Variants in CDH5 observed in about 807,000 individuals in gnomAD.
CDH5 encodes the protein cadherin 5, also known as cadherin-5.
In CDH5, 28 loss-of-function variants were observed where a neutral mutation model predicts 62.0. The observed-to-expected ratio is 0.45, with a 90% CI of 0.33 to 0.62. CDH5 has a LOEUF of 0.62. CDH5 is among the 20% of genes least tolerant of loss of function. The pLI is 0.02. For synonymous variants in CDH5, 464 were observed against 445.8 expected (o/e 1.04, Z -0.52); for missense variants, 940 against 1,065.1 (o/e 0.88, Z 1.63).
intron 1 of CDH5, 185 bp from the exon 2 acceptor site, chr16:66,379,133 AC>A: frequency 1.8e-6 from 1 of 547,274 alleles, no homozygotes; most frequent in Non-Finnish European, 3.1e-6. Context: ...TTGTCCTAAA[AC>A]CGACCTTTCA....
At position 66,403,310 on chromosome 16, in the gene CDH5, G is replaced by A. The variant is rs1312793985; in HGVS notation, c.*141G>A. 6 of 695,534 alleles carry A rather than the reference G, an allele frequency of 8.6e-6. No individual in the cohort carries two copies. The highest frequency in any genetic ancestry group is 1.4e-5 in the Non-Finnish European group (6 of 423,124). 43.1% of individuals were successfully genotyped at this position (695,534 alleles called of 1,614,324 possible). On this transcript the variant is annotated 3_prime_UTR_variant, in exon 12 of 12. Coordinates refer to ENST00000341529, the MANE Select transcript of CDH5 (RefSeq NM_001795.5). This position sits in a 1 kb window ranked among gnomAD's most constrained non-coding sequence, Gnocchi z 4.3. ...CTCGTGGGTCCCAGAGACCTCATCA[G>A]CCTTGGGATAGCAAACTCCAGGTTC... is the stretch of plus-strand genomic sequence containing the variant.
In CDH5 at chr16:66,398,561, G is replaced by T. The variant is rs868014698; in HGVS notation, c.1591G>T (p.Asp531Tyr). Residue 531 changes from aspartate to tyrosine, a missense_variant and splice_region_variant, in exon 10 of 12, where the codon GAT (aspartate) becomes TAT (tyrosine). Transcript: ENST00000341529. ...CAACTTTACCCTCACGGATAATCAC[G>T]GTAGGCATCAAAGTAATCAGTTCAG... ...ENNFTLTDNH[D>Y]NTANITVKYG... The T allele has an allele frequency of 6.8e-7, 1 of 1,471,520 alleles. No individual in the cohort carries two copies. The highest frequency in any genetic ancestry group is 1.1e-5 in the South Asian group (1 of 88,302). 91.2% of individuals were successfully genotyped at this position (1,471,520 alleles called of 1,614,324 possible). A position where few individuals can be genotyped will look rare whatever the true frequency, so the allele number is the denominator to read the frequency against.
chr16:66,378,162 C>T lies in CDH5; in HGVS notation c.-19-1157C>T, dbSNP rs114538029. Among the ~76,000 whole-genome samples the T allele has an allele frequency of 2.8e-3, 428 of 152,304 alleles. 2 individuals carry two copies. Among genetic ancestry groups the T allele is most frequent in the African/African-American group, 0.01 (416 of 41,566 alleles). Reference sequence around the variant, plus strand: ...TCAGGGTTAAGACAGTTGGATTTTCCTAAGAGCCTTCTGAAGACAGAATCA... The same window carrying T: ...TCAGGGTTAAGACAGTTGGATTTTCTTAAGAGCCTTCTGAAGACAGAATCA... On this transcript the variant is annotated intron_variant, in intron 1 of 11. Coordinates refer to ENST00000341529, the MANE Select transcript of CDH5 (RefSeq NM_001795.5).
rs1960843499 is a variant in CDH5, at chr16:66,379,379, C to T, written c.42C>T (p.Cys14=). 1 of 1,613,736 alleles carries T rather than the reference C, an allele frequency of 6.2e-7. No homozygotes were observed. The highest frequency in any genetic ancestry group is 1.1e-5 in the South Asian group (1 of 91,062). The change falls in exon 2 of 12, where the codon TGC becomes TGT. Residue 14 remains cysteine, a synonymous_variant. Coordinates refer to ENST00000341529, the MANE Select transcript of CDH5 (RefSeq NM_001795.5). Reference sequence around the variant, plus strand: ...TGCTCCTCGCCACATCGGGCGCCTGCCTGGGCCTGCTGGCAGTGGCAGCAG... The same window carrying T: ...TGCTCCTCGCCACATCGGGCGCCTGTCTGGGCCTGCTGGCAGTGGCAGCAG... ...LMMLLATSGA[C]LGLLAVAAVA...
intron 2 of CDH5, among the ~76,000 whole-genome samples, chr16:66,380,905 AGGT>A (rs1960887213): frequency 6.6e-6 from 1 of 151,704 alleles, no homozygotes; most frequent in Admixed American, 6.6e-5. Context: ...ATGGTGGTGG[AGGT>A]GGTGGTGAAC....
intron 1 of CDH5, among the ~76,000 whole-genome samples, chr16:66,368,722 G>A (rs1292595037): frequency 6.6e-6 from 1 of 152,196 alleles, no homozygotes; most frequent in Non-Finnish European, 1.5e-5. Flanking sequence ...GCCAGTCCAA[G>A]GTCACACAAC....
chr16:66,386,670 T>C, intron 2 of CDH5, 139 bp from the exon 3 acceptor site: 1 of 689,112 alleles, frequency 1.5e-6, no homozygotes, highest in Non-Finnish European at 2.4e-6. Flanking sequence ...CTCAGTATCA[T>C]ATTTAGGGAC....
At position 66,390,567 on chromosome 16, in the gene CDH5, G is replaced by A. The variant is rs142709605; in HGVS notation, c.946G>A (p.Glu316Lys). Residue 316 changes from glutamate to lysine, a missense_variant, in exon 6 of 12, where the codon GAG becomes AAG. Glu to Lys is a moderately conservative substitution (Grantham distance 56). Transcript: ENST00000341529. The stretch of plus-strand genomic sequence containing the variant: ...CATTGAGACAAACCCCGCCCACAAC[G>A]AGGGCATCATCAAGCCCATGAAGGT... Reference protein sequence around the residue: ...FTIETNPAHNEGIIKPMKPLD... With the variant: ...FTIETNPAHNKGIIKPMKPLD... 4.5e-5 allele frequency: 73 copies of A among 1,613,974 alleles called. No individual in the cohort carries two copies. Among genetic ancestry groups the A allele is most frequent in the East Asian group, 2.5e-4 (11 of 44,886 alleles).
rs558552805 is a variant in CDH5, at chr16:66,389,407, G to C, written c.666G>C (p.Arg222Ser). 6.2e-7 allele frequency: 1 copy of C among 1,613,712 alleles called. No individual in the cohort carries two copies. The highest frequency in any genetic ancestry group is 1.1e-5 in the South Asian group (1 of 91,020). Residue 222 changes from arginine (R) to serine (S), a missense_variant, in exon 5 of 12, where the codon AGG (arginine) becomes AGC (serine). Coordinates refer to ENST00000341529, the MANE Select transcript of CDH5 (RefSeq NM_001795.5). Reference sequence around the variant, plus strand: ...GCTTGGACCGAGAGAAGCAGGCCAGGTATGAGATCGTGGTGGAAGCGCGAG... The same window carrying C: ...GCTTGGACCGAGAGAAGCAGGCCAGCTATGAGATCGTGGTGGAAGCGCGAG... ...TKSLDREKQA[R>S]YEIVVEARDA...
intron 10 of CDH5, among the ~76,000 whole-genome samples, chr16:66,399,984 T>C (rs1306651622): frequency 6.6e-6 from 1 of 151,992 alleles, no homozygotes; most frequent in Non-Finnish European, 1.5e-5. Flanking sequence ...AATCCTGGAG[T>C]AGGGAGTTCC....
intron 7 of CDH5, among the ~76,000 whole-genome samples, chr16:66,395,197 C>T (rs1482171842): frequency 6.6e-6 from 1 of 151,072 alleles, no homozygotes; most frequent in African/African-American, 2.4e-5. Flanking sequence ...ACCTTGCCTT[C>T]TAATAACACC....
chr16:66,400,917 G>C lies in CDH5; in HGVS notation c.1738G>C (p.Glu580Gln), dbSNP rs200379618. Residue 580 changes from glutamate to glutamine, a missense_variant, in exon 11 of 12, where the codon GAG becomes CAG. By Grantham distance (29) the Glu-to-Gln change is conservative. Transcript: ENST00000341529. ...TLTVAVCKCN[E>Q]QGEFTFCEDM... ...GACCGTGGCCGTGTGCAAGTGCAAC[G>C]AGCAGGGCGAGTTCACCTTCTGCGA... The C allele has an allele frequency of 6.2e-7, 1 of 1,614,194 alleles. No individual in the cohort carries two copies. Among genetic ancestry groups the C allele is most frequent in the Non-Finnish European group, 8.5e-7 (1 of 1,180,046 alleles).
At chr16:66,397,362 G>A (rs530277617) in intron 8 of CDH5, among the ~76,000 whole-genome samples, 4 of 152,206 alleles carry the variant, frequency 2.6e-5, no homozygotes, top group African/African-American at 7.2e-5. Context: ...TGGGACTACA[G>A]GCGTGCACCA....
At chr16:66,387,652 C>T (rs531521574) in intron 3 of CDH5, among the ~76,000 whole-genome samples, 1 of 152,378 alleles carries the variant, frequency 6.6e-6, no homozygotes, top group South Asian at 2.1e-4. Flanking sequence ...ACAAACTTCA[C>T]TCACTTCCTC....
At chr16:66,373,070 TG>T (rs1256849729) in intron 1 of CDH5, among the ~76,000 whole-genome samples, 3 of 152,182 alleles carry the variant, frequency 2.0e-5, no homozygotes, top group African/African-American at 7.2e-5. Flanking sequence ...AGGCAGTTGC[TG>T]GGCTGCTCAG....
intron 7 of CDH5, chr16:66,393,031 T>G (rs1293564408): frequency 1.3e-5 from 2 of 152,324 alleles, no homozygotes; most frequent in Non-Finnish European, 2.9e-5. Context: ...CTTAACTAAA[T>G]TTCTCTTTTA....
intron 7 of CDH5, among the ~76,000 whole-genome samples, chr16:66,395,016 A>ATTTTTTTTTT (rs1567467147): frequency 5.0e-5 from 1 of 19,950 alleles, no homozygotes; most frequent in Non-Finnish European, 1.0e-4. Flanking sequence ...CACCAGGCTA[A>ATTTTTTTTTT]TCTTTTTTTT....
chr16:66,370,868 T>C (rs1488123810), intron 1 of CDH5, among the ~76,000 whole-genome samples: 1 of 152,120 alleles, frequency 6.6e-6, no homozygotes, highest in Non-Finnish European at 1.5e-5. Context: ...TCCTCGAGGC[T>C]GGAAGGGGCA....
rs1217615044 is a variant in CDH5, at chr16:66,398,347, G to C, written c.1486-109G>C. 9 of 836,610 alleles carry C rather than the reference G, an allele frequency of 1.1e-5. No homozygotes were observed. In the African/African-American group the frequency reaches 1.5e-4, roughly 14 times the overall value. The allele number at this position is 836,610 out of a possible 1,614,324, so 51.8% of individuals were successfully genotyped here. Reference sequence around the variant, plus strand: ...AACTAAATAGGTGAGTGTTGCAGGTGGGAAACAGCCATGGTCAGGACTTAA... The same window carrying C: ...AACTAAATAGGTGAGTGTTGCAGGTCGGAAACAGCCATGGTCAGGACTTAA... On this transcript the variant is annotated intron_variant, in intron 9 of 11. Coordinates refer to ENST00000341529, the MANE Select transcript of CDH5 (RefSeq NM_001795.5).
Sources: gnomAD v4.1 joint callset for allele counts (sites outside exome capture counted in the v4.1 genomes callset) on GRCh38, gnomAD v4.1.1 for gene constraint, Gnocchi (gnomAD v3.1) non-coding constraint, MANE v1.5 for transcripts, NCBI Gene and HGNC (gene_info 2026-07-23, HGNC 2026-07-21) for gene names.